SLC35F4: variants seen among roughly 807,000 people sequenced by gnomAD.
SLC35F4 encodes solute carrier family 35 member F4, also known as chromosome 14 open reading frame 36.
Under a neutral mutation model 44.2 loss-of-function variants are expected in SLC35F4, and 24 were observed. The ratio of observed to expected loss-of-function variants is 0.54; its 90% confidence interval spans 0.39 to 0.76. The LOEUF is 0.76. SLC35F4 is among the 30% of genes least tolerant of loss of function. The pLI is 0.00. For missense variants in SLC35F4, 562 were observed against 586.1 expected (o/e 0.96, Z 0.42); for synonymous variants, 238 against 223.6 (o/e 1.06, Z -0.57).
chr14:57,592,712 T>G (rs1436438175), intron 2 of SLC35F4, among the ~76,000 whole-genome samples: 1 of 152,178 alleles, frequency 6.6e-6, no homozygotes, highest in African/African-American at 2.4e-5. Context: ...AAATACATTC[T>G]CAAATGAGTA....
At chr14:57,889,719 A>G (rs773153079) in intron 1 of SLC35F4, among the ~76,000 whole-genome samples, 1 of 152,226 alleles carries the variant, frequency 6.6e-6, no homozygotes, top group Non-Finnish European at 1.5e-5. Flanking sequence ...CCTAGTACAC[A>G]TTGTGTCATA....
intron 1 of SLC35F4, among the ~76,000 whole-genome samples, chr14:57,666,261 T>A (rs2074304969): frequency 6.6e-6 from 1 of 152,220 alleles, no homozygotes; most frequent in Non-Finnish European, 1.5e-5. Context: ...GAACTTGAAT[T>A]TAGGTATTCC....
chr14:57,870,585 G>T (rs968013041), upstream of SLC35F4, among the ~76,000 whole-genome samples: 1 of 152,116 alleles, frequency 6.6e-6, no homozygotes, highest in Non-Finnish European at 1.5e-5. Flanking sequence ...GACATAGAAC[G>T]CTTTGAGCTT....
intron 1 of SLC35F4, among the ~76,000 whole-genome samples, chr14:57,664,691 G>A (rs992928655): frequency 2.6e-5 from 4 of 152,230 alleles, no homozygotes; most frequent in African/African-American, 4.8e-5. Context: ...GATTACAGGC[G>A]TAAGCCACTG....
At chr14:57,906,240 T>C (rs1486720758) in intron 1 of SLC35F4, among the ~76,000 whole-genome samples, 1 of 152,218 alleles carries the variant, frequency 6.6e-6, no homozygotes, top group Non-Finnish European at 1.5e-5. Flanking sequence ...TAAAGATGAC[T>C]GCCACTTACA....
intron 1 of SLC35F4, among the ~76,000 whole-genome samples, chr14:57,606,069 T>C (rs1050127725): frequency 6.6e-6 from 1 of 152,186 alleles, no homozygotes; most frequent in African/African-American, 2.4e-5. Context: ...CATCGTGCTA[T>C]ATACCTTTAT....
At chr14:57,764,799 T>C (rs962912104) in intron 1 of SLC35F4, among the ~76,000 whole-genome samples, 1 of 152,150 alleles carries the variant, frequency 6.6e-6, no homozygotes, top group African/African-American at 2.4e-5. Context: ...AATATGAAGG[T>C]TTGAGGCTGC....
chr14:57,855,383 T>C (rs1182501486), intron 1 of SLC35F4, among the ~76,000 whole-genome samples: 2 of 151,648 alleles, frequency 1.3e-5, no homozygotes, highest in African/African-American at 2.4e-5. Flanking sequence ...GCAAAGAATA[T>C]GAACAGACAC....
At chr14:57,894,387 C>T (rs1888831445) in intron 1 of SLC35F4, among the ~76,000 whole-genome samples, 1 of 151,972 alleles carries the variant, frequency 6.6e-6, no homozygotes, top group Non-Finnish European at 1.5e-5. Context: ...AACTCAAGTG[C>T]CCAGCAAGGG....
In SLC35F4 at chr14:57,879,214, C is replaced by T. The variant is rs569166230; in HGVS notation, n.282+102699G>A. On this transcript the variant is annotated intron_variant and non_coding_transcript_variant, in intron 1 of 1. Transcript: ENST00000556568. ...GCAAGGTACTTGGCATTGCACTTTTCAAGAAAGTATTTTGAGTTTAAGGAT... is the reference window on the plus strand; with the variant it reads ...GCAAGGTACTTGGCATTGCACTTTTTAAGAAAGTATTTTGAGTTTAAGGAT... 4.6e-5 allele frequency among the ~76,000 whole-genome samples: 7 copies of T among 152,186 alleles called. No individual in the cohort carries two copies. The South Asian group carries it at 1.5e-3, about 32-fold the overall frequency.
chr14:57,860,807 C>G (rs1301820832), intron 1 of SLC35F4, among the ~76,000 whole-genome samples: 1 of 152,158 alleles, frequency 6.6e-6, no homozygotes, highest in African/African-American at 2.4e-5. Context: ...CTACTGAGAC[C>G]TCTAATTCAT....
chr14:57,636,195 C>T (rs1364726932), intron 1 of SLC35F4, among the ~76,000 whole-genome samples: 5 of 152,084 alleles, frequency 3.3e-5, no homozygotes, highest in Non-Finnish European at 5.9e-5. Flanking sequence ...CCCAACCAAG[C>T]TTAAACACTG....
chr14:57,764,908 G>C (rs1468866170), intron 1 of SLC35F4, among the ~76,000 whole-genome samples: 1 of 152,150 alleles, frequency 6.6e-6, no homozygotes, highest in Non-Finnish European at 1.5e-5. Flanking sequence ...TTAAAGTAGT[G>C]ATTTTCAAAC....
chr14:57,937,220 A>T (rs1438214654), intron 1 of SLC35F4, among the ~76,000 whole-genome samples: 1 of 152,118 alleles, frequency 6.6e-6, no homozygotes, highest in Non-Finnish European at 1.5e-5. Flanking sequence ...GGCATGCGCC[A>T]CTACGCCCAG....
At chr14:57,654,949 C>G (rs1376092921) in intron 1 of SLC35F4, among the ~76,000 whole-genome samples, 2 of 152,122 alleles carry the variant, frequency 1.3e-5, no homozygotes, top group Non-Finnish European at 2.9e-5. Flanking sequence ...CCGCATGCCT[C>G]CAATCAGAGG....
intron 1 of SLC35F4, among the ~76,000 whole-genome samples, chr14:57,751,273 A>G (rs2076878370): frequency 6.6e-6 from 1 of 152,192 alleles, no homozygotes; most frequent in Non-Finnish European, 1.5e-5. Flanking sequence ...AGGTAAGTAA[A>G]TATTCAACAT....
At chr14:57,689,091 CT>C (rs2075150866) in intron 1 of SLC35F4, among the ~76,000 whole-genome samples, 1 of 152,170 alleles carries the variant, frequency 6.6e-6, no homozygotes, top group African/African-American at 2.4e-5. Flanking sequence ...TCTATCCTCT[CT>C]TTCTCCACTG....
chr14:57,870,692 CTGGCACATCG>C (rs1378219197), upstream of SLC35F4, among the ~76,000 whole-genome samples: 2 of 152,176 alleles, frequency 1.3e-5, no homozygotes, highest in Non-Finnish European at 2.9e-5. Context: ...TTACGAAGGC[CTGGCACATCG>C]TGGGTACACA....
At chr14:57,565,618 C>A (rs1335440036) in intron 7 of SLC35F4, among the ~76,000 whole-genome samples, 1 of 152,206 alleles carries the variant, frequency 6.6e-6, no homozygotes, top group Non-Finnish European at 1.5e-5. Flanking sequence ...CAACTCCACT[C>A]TGATATTTCT....
Sources: allele counts gnomAD v4.1 joint callset (sites outside exome capture counted in the v4.1 genomes callset), GRCh38; gene constraint gnomAD v4.1.1; transcripts MANE v1.5; gene names NCBI Gene and HGNC (gene_info 2026-07-23, HGNC 2026-07-21).